Variants in LSMEM2 observed in about 807,000 individuals in gnomAD.
LSMEM2 encodes the protein leucine-rich single-pass membrane protein 2.
A neutral mutation model predicts 17.3 loss-of-function variants in LSMEM2; 20 were observed. The observed-to-expected ratio is 1.16, with a 90% CI of 0.81 to 1.68. The LOEUF (loss-of-function observed/expected upper bound fraction) is 1.68. LSMEM2 is among the 40% of genes most tolerant of loss of function. LSMEM2 has a pLI of 0.00. For synonymous variants in LSMEM2, 94 were observed against 97.8 expected, an observed-to-expected ratio of 0.96 and a Z score of 0.23; for missense variants, 207 against 214.3, an observed-to-expected ratio of 0.97 and a Z score of 0.21.
chr3:50,278,876 G>T (rs1017894191), upstream of LSMEM2, among the ~76,000 whole-genome samples: 1 of 152,210 alleles, frequency 6.6e-6, no homozygotes. Flanking sequence ...TCCCCTTGAA[G>T]GTCCCTGGGC....
intron 1 of LSMEM2, among the ~76,000 whole-genome samples, chr3:50,281,827 T>A (rs925466898): frequency 1.3e-5 from 2 of 150,866 alleles, no homozygotes; most frequent in Non-Finnish European, 3.0e-5. Flanking sequence ...CACAGAAGCA[T>A]GCCACCACAC....
Position 50,287,340 on chromosome 3 carries a change from G to GTTAAC in LSMEM2, c.*143_*147dup, listed in dbSNP as rs1553708771. ...TGAGATTTTTGTACAAGAACCTGTT[G>GTTAAC]TTAACTTAATGGCTGCCTCCCTCTC... On this transcript the variant is annotated 3_prime_UTR_variant, in exon 4 of 4. Transcript: ENST00000316436. 1.3e-5 allele frequency: 15 copies of GTTAAC among 1,180,680 alleles called. No individual in the cohort carries two copies. Among genetic ancestry groups the GTTAAC allele is most frequent in the Middle Eastern group, 2.3e-4 (1 of 4,320 alleles). 73.1% of individuals were successfully genotyped at this position (1,180,680 alleles called of 1,614,324 possible).
upstream of LSMEM2, chr3:50,278,953 CGT>C (rs1220291036): frequency 9.8e-6 from 7 of 714,476 alleles, no homozygotes; most frequent in Non-Finnish European, 1.7e-5. Flanking sequence ...GGCTGGCCCA[CGT>C]GGATCACTCT....
intron 1 of LSMEM2, among the ~76,000 whole-genome samples, chr3:50,281,670 A>ATT (rs144025924): frequency 4.9e-3 from 463 of 95,374 alleles, no homozygotes; most frequent in Non-Finnish European, 6.0e-3. Context: ...GCAGCAGGGA[A>ATT]TTTTTTTTTT....
At chr3:50,281,784 C>A (rs76991171) in intron 1 of LSMEM2, among the ~76,000 whole-genome samples, 1 of 148,404 alleles carries the variant, frequency 6.7e-6, no homozygotes, top group Non-Finnish European at 1.5e-5. Flanking sequence ...ACTCAAGCAA[C>A]CCTCCCACCT....
intron 1 of LSMEM2, 79 bp downstream of exon 1, chr3:50,279,250 C>A: frequency 7.6e-7 from 1 of 1,313,786 alleles, no homozygotes; most frequent in Non-Finnish European, 1.1e-6. Context: ...CACCCTCTGT[C>A]CCACTGACCT....
chr3:50,287,353 C>A lies in LSMEM2; in HGVS notation c.*151C>A. On this transcript the variant is annotated 3_prime_UTR_variant, in exon 4 of 4. Coordinates refer to ENST00000316436, the MANE Select transcript of LSMEM2 (RefSeq NM_153215.3). ...CAAGAACCTGTTGTTAACTTAATGG[C>A]TGCCTCCCTCTCCTGATCTCTTCAA... The A allele has an allele frequency of 9.8e-6, 10 of 1,021,678 alleles. No homozygotes were observed. Among genetic ancestry groups the A allele is most frequent in the Non-Finnish European group, 1.4e-5 (10 of 698,650 alleles). The allele number at this position is 1,021,678 out of a possible 1,614,324, so 63.3% of individuals were successfully genotyped here. A position where few individuals can be genotyped will look rare whatever the true frequency, so the allele number is the denominator to read the frequency against.
At chr3:50,280,177 C>T (rs1553707583) in intron 1 of LSMEM2, among the ~76,000 whole-genome samples, 1 of 117,648 alleles carries the variant, frequency 8.5e-6, no homozygotes, top group East Asian at 2.5e-4. Context: ...CTGGCCTCAA[C>T]TTTTTTTTTT....
At position 50,286,547 on chromosome 3, in the gene LSMEM2, G is replaced by A; in HGVS notation, c.135G>A (p.Leu45=). 1 of 1,612,426 alleles carries A rather than the reference G, an allele frequency of 6.2e-7. No homozygotes were observed. The highest frequency in any genetic ancestry group is 8.5e-7 in the Non-Finnish European group (1 of 1,179,356). Reference sequence around the variant, plus strand: ...CCAACCACGTGCATGAGGTATGCCTGCACCAGGTGGAGTCCATCAGCGACC... The same window carrying A: ...CCAACCACGTGCATGAGGTATGCCTACACCAGGTGGAGTCCATCAGCGACC... ...LAPNHVHEVC[L]HQVESISDLH... is the part of the protein sequence containing the mutation. Residue 45 remains leucine, a synonymous_variant, in exon 2 of 4, where the codon CTG becomes CTA. Coordinates refer to ENST00000316436, the MANE Select transcript of LSMEM2 (RefSeq NM_153215.3).
intron 1 of LSMEM2, among the ~76,000 whole-genome samples, chr3:50,281,891 G>T (rs782077100): frequency 6.6e-6 from 1 of 151,734 alleles, no homozygotes; most frequent in African/African-American, 2.4e-5. Context: ...TAGCTCTGTC[G>T]CCCAGGCTGG....
In LSMEM2 at chr3:50,287,554, C is replaced by T; in HGVS notation, c.*352C>T. 6.6e-6 allele frequency: 2 copies of T among 301,730 alleles called. No individual in the cohort carries two copies. Among genetic ancestry groups the T allele is most frequent in the Non-Finnish European group, 1.3e-5 (2 of 156,334 alleles). The allele number at this position is 301,730 out of a possible 1,614,324, so 18.7% of individuals were successfully genotyped here. A position where few individuals can be genotyped will look rare whatever the true frequency, so the allele number is the denominator to read the frequency against. The stretch of plus-strand genomic sequence containing the variant: ...CCCCATAGCAATCACCCAAACTCTG[C>T]CAGGGCTCCCAGTGAGGGTCCAGCC... On this transcript the variant is annotated 3_prime_UTR_variant, in exon 4 of 4. Coordinates refer to ENST00000316436, the MANE Select transcript of LSMEM2 (RefSeq NM_153215.3).
chr3:50,281,697 G>C (rs1450231687), intron 1 of LSMEM2, among the ~76,000 whole-genome samples: 2 of 117,434 alleles, frequency 1.7e-5, no homozygotes, highest in Non-Finnish European at 3.5e-5. Context: ...TTTTTTTTTG[G>C]AGATAGGGTC....
intron 2 of LSMEM2, 35 bp from the exon 3 acceptor site, chr3:50,286,639 G>A (rs1430061167): frequency 6.2e-7 from 1 of 1,611,268 alleles, no homozygotes; most frequent in African/African-American, 1.3e-5. Context: ...GAAAGCAGGT[G>A]CACCCACCAC....
chr3:50,286,192 A>G (rs908368401), intron 1 of LSMEM2, among the ~76,000 whole-genome samples: 18 of 152,366 alleles, frequency 1.2e-4, no homozygotes, highest in African/African-American at 3.8e-4. Context: ...ATAAACTGCT[A>G]GAAATAAGCA....
In LSMEM2 at chr3:50,286,518, G is replaced by A. The variant is rs1701539007; in HGVS notation, c.106G>A (p.Ala36Thr). Residue 36 changes from alanine to threonine, a missense_variant, in exon 2 of 4, where the codon GCC (alanine) becomes ACC (threonine). Coordinates refer to ENST00000316436, the MANE Select transcript of LSMEM2 (RefSeq NM_153215.3). ...CAGCCAGAGGAGCAGGGGGCCATTG[G>A]CCCCCAACCACGTGCATGAGGTATG... Reference protein sequence around the residue: ...MPSQRSRGPLAPNHVHEVCLH... With the variant: ...MPSQRSRGPLTPNHVHEVCLH... 1.2e-6 allele frequency: 2 copies of A among 1,611,378 alleles called. No homozygotes were observed. Among genetic ancestry groups the A allele is most frequent in the Non-Finnish European group, 1.7e-6 (2 of 1,179,204 alleles).
Position 50,287,973 on chromosome 3 carries a change from TGA to T in LSMEM2, c.*774_*775del. The T allele has an allele frequency of 1.8e-6, 1 of 564,956 alleles. No individual in the cohort carries two copies. The highest frequency in any genetic ancestry group is 2.1e-5 in the South Asian group (1 of 48,718). 35.0% of individuals were successfully genotyped at this position (564,956 alleles called of 1,614,324 possible). A position where few individuals can be genotyped will look rare whatever the true frequency, so the allele number is the denominator to read the frequency against. On this transcript the variant is annotated 3_prime_UTR_variant, in exon 4 of 4. Coordinates refer to ENST00000316436, the MANE Select transcript of LSMEM2 (RefSeq NM_153215.3). ...AGGAAGGCACATATTTAGCCTGGCC[TGA>T]GACAGGACAGGAAGGGGCCACAGGG... is the stretch of plus-strand genomic sequence containing the variant.
chr3:50,284,991 G>A (rs1375848583), intron 1 of LSMEM2, among the ~76,000 whole-genome samples: 1 of 150,748 alleles, frequency 6.6e-6, no homozygotes, highest in African/African-American at 2.4e-5. Context: ...AGCCAAGATT[G>A]CGCCACTGCA....
At chr3:50,278,695 G>C (rs2109257184), upstream of LSMEM2, among the ~76,000 whole-genome samples, 2 of 152,324 alleles carry the variant, frequency 1.3e-5, 1 homozygote, top group South Asian at 4.1e-4. Context: ...TCATGCAGTG[G>C]AGGCTGCTGT....
intron 1 of LSMEM2, among the ~76,000 whole-genome samples, chr3:50,279,930 C>T (rs1294798275): frequency 6.6e-6 from 1 of 151,512 alleles, no homozygotes; most frequent in East Asian, 1.9e-4. Flanking sequence ...GGCCGGAGTA[C>T]AGTGGCGTGA....
Sources: gnomAD v4.1 joint callset for allele counts (sites outside exome capture counted in the v4.1 genomes callset) on GRCh38, gnomAD v4.1.1 for gene constraint, MANE v1.5 for transcripts, NCBI Gene and HGNC (gene_info 2026-07-23, HGNC 2026-07-21) for gene names.